Variants in SCN3A observed in about 807,000 individuals in gnomAD.
The protein encoded by SCN3A is sodium voltage-gated channel alpha subunit 3.
SCN3A carries 60 observed loss-of-function variants against 187.6 expected under a neutral mutation model. The ratio of observed to expected loss-of-function variants is 0.32; its 90% CI spans 0.26 to 0.40. SCN3A has a LOEUF of 0.40. SCN3A is among the 10% of genes least tolerant of loss of function. SCN3A has a pLI of 1.00. For missense variants in SCN3A, 1,601 were observed against 2,428.2 expected, an observed-to-expected ratio of 0.66 and a Z score of 7.16; for synonymous variants, 788 against 829.2, an observed-to-expected ratio of 0.95 and a Z score of 0.85.
At chr2:165,128,915 T>A (rs1488087966) in intron 17 of SCN3A, among the ~76,000 whole-genome samples, 1 of 152,200 alleles carries the variant, frequency 6.6e-6, no homozygotes, top group Admixed American at 6.5e-5. Flanking sequence ...CAGGAATAAT[T>A]CATTATTTCT....
chr2:165,183,277 C>T (rs1354804214), intron 2 of SCN3A, among the ~76,000 whole-genome samples: 2 of 152,162 alleles, frequency 1.3e-5, no homozygotes, highest in African/African-American at 4.8e-5. Context: ...GCTAAGTAAT[C>T]TCCTCTAAAA....
intron 12 of SCN3A, among the ~76,000 whole-genome samples, chr2:165,145,652 C>A (rs1015437080): frequency 6.6e-6 from 1 of 151,850 alleles, no homozygotes; most frequent in African/African-American, 2.4e-5. Context: ...AAAGTAAATA[C>A]TATGTTGAAT....
intron 22 of SCN3A, 92 bp from the exon 23 acceptor site, chr2:165,097,616 A>C (rs1685420554): frequency 2.0e-6 from 3 of 1,473,356 alleles, no homozygotes; most frequent in Non-Finnish European, 2.8e-6. Context: ...TATGTGCTTG[A>C]AAAGAGTTAA....
intron 26 of SCN3A, 199 bp downstream of exon 26, chr2:165,094,175 A>G: frequency 1.6e-6 from 1 of 613,410 alleles, no homozygotes; most frequent in African/African-American, 1.8e-5. Context: ...ACAAATTATA[A>G]AGAACATTAC....
intron 22 of SCN3A, 199 bp from the exon 23 acceptor site, chr2:165,097,723 G>C (rs756551356): frequency 3.0e-6 from 2 of 662,506 alleles, no homozygotes; most frequent in African/African-American, 1.8e-5. Flanking sequence ...AAGGTTTTAA[G>C]GAAAGCAAAA....
At chr2:165,114,092 C>T in intron 19 of SCN3A, 122 bp from the exon 20 acceptor site, 2 of 605,644 alleles carry the variant, frequency 3.3e-6, no homozygotes, top group Non-Finnish European at 5.6e-6. Context: ...CCATCTCCTT[C>T]ATTTCCTAGT....
rs1685367588 is a variant in SCN3A, at chr2:165,096,423, A to G, written c.4293+44T>C. 3 of 1,487,094 alleles carry G rather than the reference A, an allele frequency of 2.0e-6. No homozygotes were observed. The East Asian group carries it at 6.8e-5, about 34-fold the overall frequency. The allele number at this position is 1,487,094 out of a possible 1,614,324, so 92.1% of individuals were successfully genotyped here. On this transcript the variant is annotated intron_variant, in intron 24 of 27. Transcript: ENST00000283254. ...GTTTAAATTACCACCAATATTCACCATAAGAAATCTAGAACCTATAAATAA... is the reference window on the plus strand; with the variant it reads ...GTTTAAATTACCACCAATATTCACCGTAAGAAATCTAGAACCTATAAATAA...
chr2:165,130,780 C>T (rs1687267824), intron 16 of SCN3A, among the ~76,000 whole-genome samples: 1 of 152,012 alleles, frequency 6.6e-6, no homozygotes, highest in African/African-American at 2.4e-5. Flanking sequence ...ATAAATTTTA[C>T]ATATTTCTCA....
rs1342543734 is a variant in SCN3A at position 165,090,164 on chromosome 2, C to A, written c.5989G>T (p.Glu1997Ter). 6.3e-7 allele frequency: 1 copy of A among 1,584,202 alleles called. No individual in the cohort carries two copies. Among genetic ancestry groups the A allele is most frequent in the South Asian group, 1.1e-5 (1 of 88,508 alleles). Residue 1997 changes from glutamate (E) to a stop codon, truncating the protein, a stop_gained, in exon 28 of 28, where the codon GAA (glutamate) becomes TAA (stop). Coordinates refer to ENST00000283254, the MANE Select transcript of SCN3A (RefSeq NM_006922.4). LOFTEE classifies it high-confidence loss of function. This position sits in a 1 kb window ranked among gnomAD's most constrained non-coding sequence, Gnocchi z 4.0. Reference sequence around the variant, plus strand: ...TTTGTTTCTTTTTACTTTTGATTTTCTCTGACCTCTTTTCCTTTGCTTTCT... The same window carrying A: ...TTTGTTTCTTTTTACTTTTGATTTTATCTGACCTCTTTTCCTTTGCTTTCT... ...EKESKGKEVR[E>*]NQK
chr2:165,122,179 C>T (rs1686713042), intron 18 of SCN3A, among the ~76,000 whole-genome samples: 1 of 151,152 alleles, frequency 6.6e-6, no homozygotes, highest in Non-Finnish European at 1.5e-5. Flanking sequence ...GGCCCTTCAT[C>T]TCCAAACCTC....
chr2:165,169,671 C>A (rs1016787790), intron 4 of SCN3A, among the ~76,000 whole-genome samples: 1 of 151,856 alleles, frequency 6.6e-6, no homozygotes, highest in Non-Finnish European at 1.5e-5. Flanking sequence ...TGCCCTGTCT[C>A]TAGGTGAATC....
chr2:165,092,848 A>AGATGGACAGATCACAAGGTTGG lies in SCN3A; in HGVS notation c.4537-325_4537-324insCCAACCTTGTGATCTGTCCATC. On this transcript the variant is annotated intron_variant, in intron 26 of 27. Transcript: ENST00000283254. The surrounding 1 kb of genome is among the most constrained non-coding windows in gnomAD (Gnocchi z 4.2). ...GAGACTGGAGGCTCTCTTGAGGCCA[A>AGATGGACAGATCACAAGGTTGG]GAGTTCCAGACCAGCCTGGGCAACA... 1 of 288,552 alleles carries AGATGGACAGATCACAAGGTTGG rather than the reference A, an allele frequency of 3.5e-6. No homozygotes were observed. Among genetic ancestry groups the AGATGGACAGATCACAAGGTTGG allele is most frequent in the Non-Finnish European group, 6.6e-6 (1 of 151,790 alleles). 17.9% of individuals were successfully genotyped at this position (288,552 alleles called of 1,614,324 possible).
chr2:165,195,110 A>C (rs1277300612), intron 1 of SCN3A: 2 of 152,138 alleles, frequency 1.3e-5, no homozygotes, highest in Non-Finnish European at 1.5e-5. Flanking sequence ...TATGATAAAA[A>C]ATTTTGTTTT....
At chr2:165,119,402 G>C (rs528004744) in intron 18 of SCN3A, among the ~76,000 whole-genome samples, 1 of 152,018 alleles carries the variant, frequency 6.6e-6, no homozygotes, top group African/African-American at 2.4e-5. Context: ...ATCAGCTTAC[G>C]AATTATGATC....
In SCN3A at chr2:165,129,994, G is replaced by T. The variant is rs1028906942; in HGVS notation, c.2868C>A (p.Gly956=). Residue 956 remains glycine, a synonymous_variant, in exon 17 of 28, where the codon GGC becomes GGA. Coordinates refer to ENST00000283254, the MANE Select transcript of SCN3A (RefSeq NM_006922.4). ...TGAAAACAATAAGGCACATGGTTTG[G>T]CCAGCGACCTCCATACAGTCCCACA... is the stretch of plus-strand genomic sequence containing the variant. ...ETMWDCMEVA[G]QTMCLIVFML... is the part of the protein sequence containing the mutation. The T allele has an allele frequency of 3.1e-6, 5 of 1,614,002 alleles. No homozygotes were observed. The Admixed American group carries it at 5.0e-5, about 16-fold the overall frequency.
chr2:165,111,003 CTG>C (rs1248494458), intron 21 of SCN3A, among the ~76,000 whole-genome samples: 1 of 152,166 alleles, frequency 6.6e-6, no homozygotes, highest in Non-Finnish European at 1.5e-5. Flanking sequence ...AGTTCAGTAA[CTG>C]TAAGTCAGAA....
At chr2:165,199,224 A>C (rs1225079792) in intron 1 of SCN3A, among the ~76,000 whole-genome samples, 1 of 152,050 alleles carries the variant, frequency 6.6e-6, no homozygotes, top group Non-Finnish European at 1.5e-5. Flanking sequence ...AAACAATATT[A>C]AACCACTATT....
chr2:165,173,272 A>T (rs1690230298), intron 3 of SCN3A, among the ~76,000 whole-genome samples: 1 of 152,208 alleles, frequency 6.6e-6, no homozygotes, highest in South Asian at 2.1e-4. Context: ...GTTAATAAGC[A>T]TAGTATATAA....
At chr2:165,189,862 G>A (rs574050780) in intron 1 of SCN3A, among the ~76,000 whole-genome samples, 11 of 152,056 alleles carry the variant, frequency 7.2e-5, no homozygotes, top group Admixed American at 3.3e-4. Flanking sequence ...TCTTTCAATT[G>A]TTTTTATCTT....
Sources: allele counts gnomAD v4.1 joint callset (sites outside exome capture counted in the v4.1 genomes callset), GRCh38; gene constraint gnomAD v4.1.1; non-coding constraint Gnocchi (gnomAD v3.1); transcripts MANE v1.5; gene names NCBI Gene and HGNC (gene_info 2026-07-23, HGNC 2026-07-21).